The following LARP1B variants were observed in gnomAD, a reference collection of about 807,000 sequenced individuals.
LARP1B encodes the protein La ribonucleoprotein 1B, also known as la-related protein 1B.
LARP1B carries 76 observed loss-of-function variants against 114.2 expected under a neutral mutation model. That is an observed-to-expected ratio of 0.67 (90% confidence interval 0.55 to 0.81). The LOEUF (loss-of-function observed/expected upper bound fraction) is 0.81. Among genes scored for constraint, LARP1B ranks in the 30% least tolerant of loss-of-function variants. The probability of loss-of-function intolerance (pLI) is 0.00; values close to 1 mark genes in which losing one functional copy is unlikely to be tolerated. For synonymous variants in LARP1B, 345 were observed against 348.0 expected (o/e 0.99, Z 0.10); for missense variants, 1,014 against 1,075.8 (o/e 0.94, Z 0.80).
exon 8 of LARP1B, chr4:128,222,371 T>C: frequency 2.2e-6 from 1 of 456,738 alleles, no homozygotes; most frequent in South Asian, 1.5e-5. Context: ...CGATTACTTC[T>C]GCTCATCATA....
At chr4:128,120,803 ATTT>A (rs56253884) in intron 10 of LARP1B, among the ~76,000 whole-genome samples, 24 of 128,988 alleles carry the variant, frequency 1.9e-4, no homozygotes, top group African/African-American at 7.0e-4. Context: ...GGGGTAGACA[ATTT>A]TTTTTTTTTT....
intron 17 of LARP1B, among the ~76,000 whole-genome samples, chr4:128,201,969 TACAAG>T (rs1756102148): frequency 6.6e-6 from 1 of 152,222 alleles, no homozygotes; most frequent in Non-Finnish European, 1.5e-5. Flanking sequence ...TTGAGAAGAA[TACAAG>T]GTGTGCTACA....
At chr4:128,138,684 A>G (rs1045555636) in intron 11 of LARP1B, among the ~76,000 whole-genome samples, 1 of 152,134 alleles carries the variant, frequency 6.6e-6, no homozygotes, top group African/African-American at 2.4e-5. Context: ...ACAGCTGGGC[A>G]TGGTGGCTCA....
At chr4:128,144,727 T>G (rs1729570953) in intron 11 of LARP1B, among the ~76,000 whole-genome samples, 1 of 152,152 alleles carries the variant, frequency 6.6e-6, no homozygotes, top group African/African-American at 2.4e-5. Context: ...CCATTTTCAT[T>G]CTATTTTTAG....
At position 128,073,591 on chromosome 4, in the gene LARP1B, T is replaced by TTTTTTTTTTTTTTTTTTTTTTTG. The variant is rs1766517165; in HGVS notation, c.-77-851_-77-850insTTTTGTTTTTTTTTTTTTTTTTT. ...GTTGTCGTTTTTTTTTTTTTTTTTT[T>TTTTTTTTTTTTTTTTTTTTTTTG]TTTTTTTTTTTTTTTTTTGGACAGA... On this transcript the variant is annotated intron_variant, in intron 1 of 19. Transcript: ENST00000326639. Among the ~76,000 whole-genome samples the TTTTTTTTTTTTTTTTTTTTTTTG allele has an allele frequency of 1.4e-4, 4 of 27,916 alleles. 1 individual carries two copies. The highest frequency in any genetic ancestry group is 2.9e-4 in the Non-Finnish European group (4 of 13,888). The allele number at this position is 27,916 out of a possible 152,430, so 18.3% of individuals were successfully genotyped here.
chr4:128,220,449 G>T, intron 7 of LARP1B: 1 of 583,150 alleles, frequency 1.7e-6, no homozygotes, highest in Non-Finnish European at 2.2e-6. Flanking sequence ...AAGTGAGTAT[G>T]TGTGTGTTTT....
chr4:128,181,044 A>G (rs1459724100), intron 15 of LARP1B, among the ~76,000 whole-genome samples: 2 of 152,120 alleles, frequency 1.3e-5, no homozygotes, highest in Admixed American at 6.5e-5. Context: ...TAGGCAGCAT[A>G]TATTTGGGTC....
At chr4:128,061,705 C>T in intron 1 of LARP1B, 1 of 984,902 alleles carries the variant, frequency 1.0e-6, no homozygotes, top group Non-Finnish European at 1.2e-6. Context: ...TGTCTACTCG[C>T]GCCCCGATGC....
At chr4:128,113,833 C>G (rs1260896754) in intron 9 of LARP1B, among the ~76,000 whole-genome samples, 2 of 133,200 alleles carry the variant, frequency 1.5e-5, no homozygotes. Flanking sequence ...GTTGCCCAGG[C>G]TGGAGTGCAA....
chr4:128,118,934 A>ATG (rs1299148983), intron 10 of LARP1B, among the ~76,000 whole-genome samples: 1 of 150,548 alleles, frequency 6.6e-6, no homozygotes, highest in Non-Finnish European at 1.5e-5. Context: ...CTGGAGTGCA[A>ATG]TGGCAGTGTG....
chr4:128,078,733 G>A lies in LARP1B; in HGVS notation c.217+771G>A, dbSNP rs1488036428. ...ATTTTCTTTTCTGAACTTTTCGTGT[G>A]TCTAGGGACAGTTTATGATTTACAT... On this transcript the variant is annotated intron_variant, in intron 4 of 19. Transcript: ENST00000326639. Among the ~76,000 whole-genome samples, 3 of 151,988 alleles carry A rather than the reference G, an allele frequency of 2.0e-5. No homozygotes were observed. In the East Asian group the frequency reaches 5.8e-4, roughly 29 times the overall value.
intron 11 of LARP1B, among the ~76,000 whole-genome samples, chr4:128,141,704 G>A (rs1020084971): frequency 1.3e-5 from 2 of 152,118 alleles, no homozygotes; most frequent in African/African-American, 2.4e-5. Context: ...AACATTTCCA[G>A]TTGTTAGATG....
rs1458328572 is a variant in LARP1B at position 128,076,894 on chromosome 4, T to C, written c.43-894T>C. On this transcript the variant is annotated intron_variant, in intron 3 of 19. Coordinates refer to ENST00000326639, the MANE Select transcript of LARP1B (RefSeq NM_018078.4). ...GCATGCACCACCACGCCTGGCTAAT[T>C]TTTTTGTATTTTTTGTAGAGATGGG... is the stretch of plus-strand genomic sequence containing the variant. 3.3e-5 allele frequency among the ~76,000 whole-genome samples: 5 copies of C among 151,938 alleles called. No homozygotes were observed. In the South Asian group the frequency reaches 1.0e-3, roughly 31 times the overall value.
At chr4:128,064,171 T>C (rs1579604719) in intron 1 of LARP1B, among the ~76,000 whole-genome samples, 2 of 143,282 alleles carry the variant, frequency 1.4e-5, no homozygotes, top group African/African-American at 2.6e-5. Flanking sequence ...ACTCAGGAGG[T>C]TGAGGCAGGA....
At chr4:128,076,635 A>G (rs1211050393) in intron 3 of LARP1B, among the ~76,000 whole-genome samples, 1 of 152,106 alleles carries the variant, frequency 6.6e-6, no homozygotes. Context: ...CTTAGTAGCT[A>G]CCTGTTTTAG....
At chr4:128,127,931 A>C (rs1282308651) in intron 11 of LARP1B, among the ~76,000 whole-genome samples, 5 of 152,226 alleles carry the variant, frequency 3.3e-5, no homozygotes, top group Admixed American at 3.3e-4. Context: ...CATAAGGATG[A>C]ACATATAGAT....
chr4:128,210,198 G>A lies in LARP1B; in HGVS notation c.*145G>A. 4 of 1,441,764 alleles carry A rather than the reference G, an allele frequency of 2.8e-6. No individual in the cohort carries two copies. The highest frequency in any genetic ancestry group is 3.6e-6 in the Non-Finnish European group (4 of 1,099,450). 89.3% of individuals were successfully genotyped at this position (1,441,764 alleles called of 1,614,324 possible). ...TTCTGGTGTTTAATTGTGATAATAA[G>A]AAAGAAGAAAAAGAAAGAAAAGTGG... On this transcript the variant is annotated 3_prime_UTR_variant, in exon 20 of 20. Coordinates refer to ENST00000326639, the MANE Select transcript of LARP1B (RefSeq NM_018078.4).
Position 128,200,572 on chromosome 4 carries a change from G to T in LARP1B, c.2216G>T (p.Arg739Leu). 1 of 1,592,848 alleles carries T rather than the reference G, an allele frequency of 6.3e-7. No individual in the cohort carries two copies. The highest frequency in any genetic ancestry group is 1.2e-5 in the South Asian group (1 of 85,634). ...GQSQEMNTLFRFWSFFLRDHF... is the reference protein window; with the variant it reads ...GQSQEMNTLFLFWSFFLRDHF... ...TCCCAAGAAATGAATACCCTCTTTC[G>T]TTTCTGGTCCTTTTTCCTCAGAGAT... Residue 739 changes from arginine to leucine, a missense_variant, in exon 17 of 20, where the codon CGT becomes CTT. Coordinates refer to ENST00000326639, the MANE Select transcript of LARP1B (RefSeq NM_018078.4).
At chr4:128,157,353 A>T (rs948998739) in intron 11 of LARP1B, among the ~76,000 whole-genome samples, 2 of 152,162 alleles carry the variant, frequency 1.3e-5, no homozygotes, top group Non-Finnish European at 2.9e-5. Flanking sequence ...GAAAATACAG[A>T]AAAGGGTGTA....
Sources: gnomAD v4.1 joint callset for allele counts (sites outside exome capture counted in the v4.1 genomes callset) on GRCh38, gnomAD v4.1.1 for gene constraint, MANE v1.5 for transcripts, NCBI Gene and HGNC (gene_info 2026-07-23, HGNC 2026-07-21) for gene names.